Variants in COL7A1 observed in about 807,000 individuals in gnomAD.
COL7A1 encodes collagen alpha-1(VII) chain.
A neutral mutation model predicts 456.2 loss-of-function variants in COL7A1; 296 were observed. The observed-to-expected ratio is 0.65, with a 90% confidence interval of 0.59 to 0.71. COL7A1 has a LOEUF of 0.71. COL7A1 is among the 30% of genes least tolerant of loss of function. The probability of loss-of-function intolerance (pLI) is 0.00; values close to 1 mark genes in which losing one functional copy is unlikely to be tolerated. For missense variants in COL7A1, 3,441 were observed against 4,017.2 expected, an observed-to-expected ratio of 0.86 and a Z score of 3.88; for synonymous variants, 1,464 against 1,525.9, an observed-to-expected ratio of 0.96 and a Z score of 0.95.
rs2045372763 is a variant in COL7A1 at position 48,587,678 on chromosome 3, C to G, written c.2857+115G>C. On this transcript the variant is annotated intron_variant, in intron 22 of 118. Transcript: ENST00000681320. The surrounding 1 kb of genome is among the most constrained non-coding windows in gnomAD (Gnocchi z 6.1). ...TCATGGGAGGTCATGCTGGGGTCAC[C>G]CAGGGTCAGAGGGTGAGGGGTAGGG... 1 of 1,603,574 alleles carries G rather than the reference C, an allele frequency of 6.2e-7. No homozygotes were observed. The highest frequency in any genetic ancestry group is 1.1e-5 in the South Asian group (1 of 90,660).
In COL7A1 at chr3:48,592,674, C is replaced by G; in HGVS notation, c.872G>C (p.Ser291Thr). The change falls in exon 8 of 119, where the codon AGT becomes ACT. Residue 291 changes from serine to threonine, a missense_variant. Transcript: ENST00000681320. This position sits in a 1 kb window ranked among gnomAD's most constrained non-coding sequence, Gnocchi z 7.6. The stretch of plus-strand genomic sequence containing the variant: ...TGGCCGGAGACCCCGCAGCCGCACA[C>G]TGGTCTCACCAGCTGGGACGTTCAC... ...QEVNVPAGET[S>T]VRLRGLRPLT... The G allele has an allele frequency of 6.2e-7, 1 of 1,613,786 alleles. No individual in the cohort carries two copies. Among genetic ancestry groups the G allele is most frequent in the Admixed American group, 1.7e-5 (1 of 60,030 alleles).
At position 48,574,188 on chromosome 3, in the gene COL7A1, T is replaced by C. The variant is rs2044126219; in HGVS notation, c.6501+74A>G. The C allele has an allele frequency of 2.6e-6, 4 of 1,556,304 alleles. No homozygotes were observed. The highest frequency in any genetic ancestry group is 1.4e-5 in the African/African-American group (1 of 72,958). On this transcript the variant is annotated intron_variant, in intron 80 of 118. Coordinates refer to ENST00000681320, the MANE Select transcript of COL7A1 (RefSeq NM_000094.4). The surrounding 1 kb of genome is among the most constrained non-coding windows in gnomAD (Gnocchi z 5.0). ...ACACACAAACACACACACACAGACATGCACACACACAGCAGCAGCAGCACC... is the reference window on the plus strand; with the variant it reads ...ACACACAAACACACACACACAGACACGCACACACACAGCAGCAGCAGCACC...
chr3:48,566,968 C>G lies in COL7A1; in HGVS notation c.8165G>C (p.Gly2722Ala), dbSNP rs759949767. The G allele has an allele frequency of 6.2e-7, 1 of 1,611,646 alleles. No homozygotes were observed. The highest frequency in any genetic ancestry group is 8.5e-7 in the Non-Finnish European group (1 of 1,178,254). ...PGPSGNDGSA[G>A]PPGPPGSVGP... Reference sequence around the variant, plus strand: ...AACACTGCCAGGTGGCCCTGGGGGACCAGCAGAGCCATCATTTCCACTGGG... The same window carrying G: ...AACACTGCCAGGTGGCCCTGGGGGAGCAGCAGAGCCATCATTTCCACTGGG... Residue 2722 changes from glycine (G) to alanine (A), a missense_variant, in exon 111 of 119, where the codon GGT becomes GCT. By Grantham distance (60) the Gly-to-Ala change is moderately conservative. Coordinates refer to ENST00000681320, the MANE Select transcript of COL7A1 (RefSeq NM_000094.4). The surrounding 1 kb of genome is among the most constrained non-coding windows in gnomAD (Gnocchi z 5.9).
Position 48,574,005 on chromosome 3 carries a change from A to G in COL7A1, c.6502-115T>C. 4 of 1,354,340 alleles carry G rather than the reference A, an allele frequency of 3.0e-6. No individual in the cohort carries two copies. Among genetic ancestry groups the G allele is most frequent in the Non-Finnish European group, 3.1e-6 (3 of 969,214 alleles). The allele number at this position is 1,354,340 out of a possible 1,614,324, so 83.9% of individuals were successfully genotyped here. On this transcript the variant is annotated intron_variant, in intron 80 of 118. Transcript: ENST00000681320. This position sits in a 1 kb window ranked among gnomAD's most constrained non-coding sequence, Gnocchi z 5.0. ...TCCATACCTCACCCTTTCCAGTCAC[A>G]GATAATACCTACCCATGGACTGCCT... is the stretch of plus-strand genomic sequence containing the variant.
chr3:48,575,010 A>G lies in COL7A1; in HGVS notation c.6279+54T>C. 6.3e-7 allele frequency: 1 copy of G among 1,588,668 alleles called. No homozygotes were observed. The highest frequency in any genetic ancestry group is 8.6e-7 in the Non-Finnish European group (1 of 1,157,484). On this transcript the variant is annotated intron_variant, in intron 76 of 118. Coordinates refer to ENST00000681320, the MANE Select transcript of COL7A1 (RefSeq NM_000094.4). The surrounding 1 kb of genome is among the most constrained non-coding windows in gnomAD (Gnocchi z 6.3). ...TACCATATTTCTGGGGACCAAGCTA[A>G]GGGTGGCTTCCTGGTCACTAGTCAC...
Position 48,576,979 on chromosome 3 carries a change from T to G in COL7A1, c.5568+13A>C. ...AAGCAGAGACCAGAGAGACCCCAGGTGGGGGACTTTACCTTCCTCCCGTCT... is the reference window on the plus strand; with the variant it reads ...AAGCAGAGACCAGAGAGACCCCAGGGGGGGGACTTTACCTTCCTCCCGTCT... On this transcript the variant is annotated intron_variant, in intron 66 of 118. Transcript: ENST00000681320. 1.9e-6 allele frequency: 3 copies of G among 1,613,898 alleles called. No homozygotes were observed. The highest frequency in any genetic ancestry group is 8.5e-7 in the Non-Finnish European group (1 of 1,179,988).
In COL7A1 at chr3:48,573,696, A is replaced by C; in HGVS notation, c.6567T>G (p.Gly2189=). The change falls in exon 82 of 119, where the codon GGT becomes GGG. Residue 2189 remains glycine, a synonymous_variant. Transcript: ENST00000681320. This position sits in a 1 kb window ranked among gnomAD's most constrained non-coding sequence, Gnocchi z 5.5. ...GTGTTCCCTGGTCACTCACCGGGGC[A>C]CCAGGTGGTCCAGGGTCTCCATGAC... ...VGGHGDPGPP[G]APGLAGPAGP... 6.2e-7 allele frequency: 1 copy of C among 1,613,140 alleles called. No homozygotes were observed. The highest frequency in any genetic ancestry group is 8.5e-7 in the Non-Finnish European group (1 of 1,179,606).
In COL7A1 at chr3:48,592,284, C is replaced by A. The variant is rs747067435; in HGVS notation, c.1094-36G>T. On this transcript the variant is annotated intron_variant, in intron 9 of 118. Coordinates refer to ENST00000681320, the MANE Select transcript of COL7A1 (RefSeq NM_000094.4). The surrounding 1 kb of genome is among the most constrained non-coding windows in gnomAD (Gnocchi z 7.6). ...GACACCAAGGGGCCAGTGGGCCTTG[C>A]AGACTCAGGACTCTACAGCCTTGTC... The A allele has an allele frequency of 9.3e-6, 15 of 1,613,798 alleles. No individual in the cohort carries two copies. In the South Asian group the frequency reaches 1.3e-4, roughly 14 times the overall value.
In COL7A1 at chr3:48,590,786, C is replaced by T; in HGVS notation, c.1667G>A (p.Ser556Asn). 1 of 1,613,868 alleles carries T rather than the reference C, an allele frequency of 6.2e-7. No homozygotes were observed. The highest frequency in any genetic ancestry group is 1.3e-5 in the African/African-American group (1 of 75,038). ...GTCATCCAAGTCGAATGCTGTCTGA[C>T]TCCCAGGAAGCACCAGGGTCCGCTC... ...GVERTLVLPG[S>N]QTAFDLDDVQ... The change falls in exon 14 of 119, where the codon AGT (serine) becomes AAT (asparagine). Residue 556 changes from serine to asparagine, a missense_variant. By Grantham distance (46) the Ser-to-Asn change is conservative (BLOSUM62 1). This residue lies in a region of COL7A1 where 913 missense variants were observed against 1,088.2 expected (regional missense o/e 0.84). Transcript: ENST00000681320. This position sits in a 1 kb window ranked among gnomAD's most constrained non-coding sequence, Gnocchi z 4.6.
In COL7A1 at chr3:48,585,173, G is replaced by C; in HGVS notation, c.3895-57C>G. On this transcript the variant is annotated intron_variant, in intron 32 of 118. Coordinates refer to ENST00000681320, the MANE Select transcript of COL7A1 (RefSeq NM_000094.4). This position sits in a 1 kb window ranked among gnomAD's most constrained non-coding sequence, Gnocchi z 4.5. Reference sequence around the variant, plus strand: ...GACCCTCCCCCAAGGCCCCTGGTTTGCTGGAGGGGCCTCACCCCATCAACA... The same window carrying C: ...GACCCTCCCCCAAGGCCCCTGGTTTCCTGGAGGGGCCTCACCCCATCAACA... 6.4e-7 allele frequency: 1 copy of C among 1,557,098 alleles called. No individual in the cohort carries two copies. The highest frequency in any genetic ancestry group is 8.8e-7 in the Non-Finnish European group (1 of 1,139,052).
Position 48,575,343 on chromosome 3 carries a change from T to C in COL7A1, c.6176A>G (p.Glu2059Gly), listed in dbSNP as rs1057517726. ...CTGGCCAGCCCCCAGCCTCACCCTC[T>C]CTCCTGGCCTTCCTGCCTCTCCCAC... ...GGVGEAGRPGERGERGEKGER... is the reference protein window; with the variant it reads ...GGVGEAGRPGGRGERGEKGER... The change falls in exon 74 of 119, where the codon GAG becomes GGG. Residue 2059 changes from glutamate to glycine, a missense_variant. Glu to Gly is a moderately conservative substitution (Grantham distance 98). Coordinates refer to ENST00000681320, the MANE Select transcript of COL7A1 (RefSeq NM_000094.4). The surrounding 1 kb of genome is among the most constrained non-coding windows in gnomAD (Gnocchi z 6.3). 2 of 1,360,776 alleles carry C rather than the reference T, an allele frequency of 1.5e-6. No homozygotes were observed. The highest frequency in any genetic ancestry group is 2.0e-6 in the Non-Finnish European group (2 of 1,021,844). 84.3% of individuals were successfully genotyped at this position (1,360,776 alleles called of 1,614,324 possible). A position where few individuals can be genotyped will look rare whatever the true frequency, so the allele number is the denominator to read the frequency against.
intron 44 of COL7A1, 38 bp downstream of exon 44, chr3:48,582,975 A>C (rs1043170182): frequency 6.2e-7 from 1 of 1,613,912 alleles, no homozygotes; most frequent in African/African-American, 1.3e-5. Context: ...GGGCACAGCC[A>C]GGTCAGCTGG....
In COL7A1 at chr3:48,574,039, T is replaced by C. The variant is rs2044114322; in HGVS notation, c.6502-149A>G. Reference sequence around the variant, plus strand: ...CTACCCATGGACTGCCTCTCATAGATAGCACACACGGGCCTGCACACACAC... The same window carrying C: ...CTACCCATGGACTGCCTCTCATAGACAGCACACACGGGCCTGCACACACAC... On this transcript the variant is annotated intron_variant, in intron 80 of 118. Coordinates refer to ENST00000681320, the MANE Select transcript of COL7A1 (RefSeq NM_000094.4). This position sits in a 1 kb window ranked among gnomAD's most constrained non-coding sequence, Gnocchi z 5.0. The C allele has an allele frequency of 1.7e-6, 2 of 1,152,578 alleles. No homozygotes were observed. The highest frequency in any genetic ancestry group is 2.5e-6 in the Non-Finnish European group (2 of 791,168). The allele number at this position is 1,152,578 out of a possible 1,614,324, so 71.4% of individuals were successfully genotyped here. A position where few individuals can be genotyped will look rare whatever the true frequency, so the allele number is the denominator to read the frequency against.
Position 48,582,350 on chromosome 3 carries a change from A to T in COL7A1, c.4608T>A (p.Pro1536=). The T allele has an allele frequency of 6.2e-7, 1 of 1,614,024 alleles. No individual in the cohort carries two copies. The highest frequency in any genetic ancestry group is 8.5e-7 in the Non-Finnish European group (1 of 1,179,992). ...CCACTGCAGGGTCCCCAGGGCGACC[A>T]GGCTCCCCCTGTGGAGAGAGGATAG... The part of the protein sequence containing the change: ...PTGRQGEKGE[P]GRPGDPAVVG... The change falls in exon 47 of 119, where the codon CCT becomes CCA. Residue 1536 remains proline (P), a synonymous_variant. Transcript: ENST00000681320.
In COL7A1 at chr3:48,573,431, C is replaced by T; in HGVS notation, c.6618+82G>A. 1 of 1,613,456 alleles carries T rather than the reference C, an allele frequency of 6.2e-7. No individual in the cohort carries two copies. Among genetic ancestry groups the T allele is most frequent in the East Asian group, 2.2e-5 (1 of 44,872 alleles). ...TCATCCTCATTGCAGGAGATGACAGCCCAGGAGGTTGGCGCACACTACCCC... is the reference window on the plus strand; with the variant it reads ...TCATCCTCATTGCAGGAGATGACAGTCCAGGAGGTTGGCGCACACTACCCC... On this transcript the variant is annotated intron_variant, in intron 83 of 118. Transcript: ENST00000681320. This position sits in a 1 kb window ranked among gnomAD's most constrained non-coding sequence, Gnocchi z 5.5.
At position 48,570,568 on chromosome 3, in the gene COL7A1, G is replaced by T; in HGVS notation, c.7345-68C>A. The T allele has an allele frequency of 6.2e-7, 1 of 1,613,450 alleles. No individual in the cohort carries two copies. Among genetic ancestry groups the T allele is most frequent in the Non-Finnish European group, 8.5e-7 (1 of 1,179,598 alleles). ...GCCTCCCCCAACACCCCACAGTGTGGCCCGCCCCATCCTAAGTCCTCACGA... is the reference window on the plus strand; with the variant it reads ...GCCTCCCCCAACACCCCACAGTGTGTCCCGCCCCATCCTAAGTCCTCACGA... On this transcript the variant is annotated intron_variant, in intron 96 of 118. Coordinates refer to ENST00000681320, the MANE Select transcript of COL7A1 (RefSeq NM_000094.4). This position sits in a 1 kb window ranked among gnomAD's most constrained non-coding sequence, Gnocchi z 5.5.
chr3:48,584,538 T>C lies in COL7A1; in HGVS notation c.4066A>G (p.Ile1356Val). ...KGEPGAPGQV[I>V]GGEGPGLPGR... Reference sequence around the variant, plus strand: ...GGAAGCCCAGGTCCTTCACCTCCGATGACTTGTCCGGGAGCCCCCTGTAAG... The same window carrying C: ...GGAAGCCCAGGTCCTTCACCTCCGACGACTTGTCCGGGAGCCCCCTGTAAG... Residue 1356 changes from isoleucine to valine, a missense_variant, in exon 36 of 119, where the codon ATC (isoleucine) becomes GTC (valine). Physicochemically the swap from Ile to Val is conservative, Grantham distance 29. Transcript: ENST00000681320. The C allele has an allele frequency of 6.2e-7, 1 of 1,614,120 alleles. No homozygotes were observed. The highest frequency in any genetic ancestry group is 8.5e-7 in the Non-Finnish European group (1 of 1,180,014).
At position 48,567,954 on chromosome 3, in the gene COL7A1, C is replaced by T; in HGVS notation, c.7876-63G>A. 2 of 1,608,576 alleles carry T rather than the reference C, an allele frequency of 1.2e-6. No homozygotes were observed. The highest frequency in any genetic ancestry group is 8.5e-7 in the Non-Finnish European group (1 of 1,175,362). ...CACCTCACTCTGTGACCCCCTTCAC[C>T]CTGAAACTAACTCTCCAAACAGGCC... On this transcript the variant is annotated intron_variant, in intron 106 of 118. Coordinates refer to ENST00000681320, the MANE Select transcript of COL7A1 (RefSeq NM_000094.4). This position sits in a 1 kb window ranked among gnomAD's most constrained non-coding sequence, Gnocchi z 4.3.
At position 48,581,579 on chromosome 3, in the gene COL7A1, TCCAGGGTCTCCCTTGGGG is replaced by T; in HGVS notation, c.4758_4775del (p.Pro1587_Gly1592del). 1 of 1,613,904 alleles carries T rather than the reference TCCAGGGTCTCCCTTGGGG, an allele frequency of 6.2e-7. No individual in the cohort carries two copies. Among genetic ancestry groups the T allele is most frequent in the Non-Finnish European group, 8.5e-7 (1 of 1,179,948 alleles). On this transcript the variant is annotated inframe_deletion, in exon 50 of 119. Transcript: ENST00000681320. The surrounding 1 kb of genome is among the most constrained non-coding windows in gnomAD (Gnocchi z 5.8). ...CATTCCCACATTGATTCACCCGGTC[TCCAGGGTCTCCCTTGGGG>T]CCAGGGTCTCCAGGAAGAACCAAGC...
Sources: gnomAD v4.1 joint callset for allele counts on GRCh38, gnomAD v4.1.1 for gene constraint, gnomAD v4.1.1 regional missense constraint, Gnocchi (gnomAD v3.1) non-coding constraint, MANE v1.5 for transcripts, NCBI Gene and HGNC (gene_info 2026-07-23, HGNC 2026-07-21) for gene names.